Variants in PDE3A observed in about 807,000 individuals in gnomAD.
The protein encoded by PDE3A is cGMP-inhibited 3',5'-cyclic phosphodiesterase 3A.
PDE3A carries 43 observed loss-of-function variants against 98.3 expected under a neutral mutation model. The ratio of observed to expected loss-of-function variants is 0.44; its 90% CI spans 0.34 to 0.56. The LOEUF (loss-of-function observed/expected upper bound fraction) is 0.56. PDE3A is among the 20% of genes least tolerant of loss of function. The probability of loss-of-function intolerance (pLI) is 0.01; values close to 1 mark genes in which losing one functional copy is unlikely to be tolerated. For synonymous variants in PDE3A, 663 were observed against 567.9 expected (o/e 1.17, Z -2.38); for missense variants, 1,427 against 1,440.7 (o/e 0.99, Z 0.15).
intron 10 of PDE3A, among the ~76,000 whole-genome samples, chr12:20,643,524 A>G (rs1017800427): frequency 1.3e-5 from 2 of 152,176 alleles, no homozygotes; most frequent in Non-Finnish European, 2.9e-5. Context: ...ATGGTTTTCT[A>G]TTCTTCAATC....
chr12:20,650,938 G>C (rs1205123813), intron 14 of PDE3A, among the ~76,000 whole-genome samples: 1 of 151,996 alleles, frequency 6.6e-6, no homozygotes, highest in Non-Finnish European at 1.5e-5. Context: ...ATATGGAGTA[G>C]CTTGTATGTA....
intron 12 of PDE3A, among the ~76,000 whole-genome samples, chr12:20,648,097 G>A (rs527468695): frequency 1.3e-3 from 190 of 150,932 alleles, no homozygotes; most frequent in African/African-American, 4.4e-3. Context: ...TTATGTCTCC[G>A]AATACTAGAT....
intron 1 of PDE3A, among the ~76,000 whole-genome samples, chr12:20,480,628 A>G (rs1176511644): frequency 1.3e-5 from 2 of 152,214 alleles, no homozygotes; most frequent in African/African-American, 4.8e-5. Flanking sequence ...GACTGTTTTC[A>G]TCTCATGGAA....
chr12:20,531,940 A>G (rs1941610038), intron 1 of PDE3A, among the ~76,000 whole-genome samples: 1 of 72,706 alleles, frequency 1.4e-5, no homozygotes, highest in Non-Finnish European at 3.3e-5. Flanking sequence ...ACTTTGAAAT[A>G]AAAGTTTTTT....
At chr12:20,612,448 A>G (rs1052261233) in intron 2 of PDE3A, among the ~76,000 whole-genome samples, 8 of 151,172 alleles carry the variant, frequency 5.3e-5, no homozygotes, top group Non-Finnish European at 7.4e-5. Flanking sequence ...ATCTTCATTT[A>G]GTCAGATACA....
chr12:20,570,857 A>G (rs140775842), intron 2 of PDE3A, among the ~76,000 whole-genome samples: 3,273 of 152,248 alleles, frequency 0.021, 59 homozygotes, highest in Middle Eastern at 0.099. Context: ...TGTACAGACT[A>G]GAATTGTCAG....
chr12:20,478,722 C>G (rs1007820475), intron 1 of PDE3A, among the ~76,000 whole-genome samples: 1 of 152,074 alleles, frequency 6.6e-6, no homozygotes, highest in African/African-American at 2.4e-5. Flanking sequence ...ATAATCAGGA[C>G]AAGTGTTAAT....
Position 20,369,449 on chromosome 12 carries a change from C to T in PDE3A, c.165C>T (p.Leu55=), listed in dbSNP as rs1250149766. 6.4e-7 allele frequency: 1 copy of T among 1,555,708 alleles called. No homozygotes were observed. Among genetic ancestry groups the T allele is most frequent in the Non-Finnish European group, 8.7e-7 (1 of 1,150,490 alleles). The change falls in exon 1 of 16, where the codon CTC becomes CTT. Residue 55 remains leucine, a synonymous_variant. Transcript: ENST00000359062. ...GGGGAGACCTGGTGCTGCAGCCGCT[C>T]CGGAGCTCTCGGAAACTTTCCTCCG... is the stretch of plus-strand genomic sequence containing the variant. ...GCWGDLVLQP[L]RSSRKLSSAL...
intron 1 of PDE3A, among the ~76,000 whole-genome samples, chr12:20,446,236 G>A (rs73069176): frequency 5.1e-4 from 77 of 152,190 alleles, no homozygotes; most frequent in Admixed American, 2.3e-3. Context: ...AGCTTAAGTC[G>A]TGAGAAAATG....
chr12:20,558,301 A>G (rs1182214928), intron 2 of PDE3A, among the ~76,000 whole-genome samples: 1 of 152,012 alleles, frequency 6.6e-6, no homozygotes, highest in Non-Finnish European at 1.5e-5. Context: ...GCATATAGCT[A>G]GAAAATGTGA....
At chr12:20,679,441 G>A (rs1333967601) in intron 15 of PDE3A, among the ~76,000 whole-genome samples, 2 of 152,044 alleles carry the variant, frequency 1.3e-5, no homozygotes, top group African/African-American at 4.8e-5. Flanking sequence ...TAGAGACAGG[G>A]TTTCACCGTG....
chr12:20,471,155 G>A (rs1483631951), intron 1 of PDE3A, among the ~76,000 whole-genome samples: 3 of 150,144 alleles, frequency 2.0e-5, no homozygotes, highest in Non-Finnish European at 4.4e-5. Context: ...TTTTACCCTG[G>A]AGATTGATTC....
intron 2 of PDE3A, among the ~76,000 whole-genome samples, chr12:20,560,096 G>A (rs900672972): frequency 1.3e-5 from 2 of 152,044 alleles, no homozygotes; most frequent in African/African-American, 4.8e-5. Flanking sequence ...CTTCAGGGTT[G>A]GCAATATTAA....
chr12:20,541,248 A>C (rs1183473529), intron 1 of PDE3A, among the ~76,000 whole-genome samples: 4 of 151,128 alleles, frequency 2.6e-5, no homozygotes, highest in South Asian at 4.2e-4. Flanking sequence ...CAGGTGCACA[A>C]CACCACACCT....
intron 2 of PDE3A, among the ~76,000 whole-genome samples, chr12:20,590,952 A>C (rs528399131): frequency 4.6e-4 from 70 of 152,308 alleles, no homozygotes; most frequent in African/African-American, 1.7e-3. Flanking sequence ...CTCCCTGTCC[A>C]CTTCGAAAGT....
At chr12:20,490,317 A>G (rs897477774) in intron 1 of PDE3A, among the ~76,000 whole-genome samples, 2 of 152,246 alleles carry the variant, frequency 1.3e-5, no homozygotes, top group Non-Finnish European at 2.9e-5. Flanking sequence ...GGAAAATTAC[A>G]ACAGTGATCC....
chr12:20,425,169 C>T (rs557622366), intron 1 of PDE3A, among the ~76,000 whole-genome samples: 3 of 152,136 alleles, frequency 2.0e-5, no homozygotes, highest in African/African-American at 4.8e-5. Context: ...GGATTGGCCT[C>T]GGTGACCAAT....
At chr12:20,414,583 C>T (rs1378470950) in intron 1 of PDE3A, among the ~76,000 whole-genome samples, 2 of 152,208 alleles carry the variant, frequency 1.3e-5, no homozygotes, top group African/African-American at 2.4e-5. Context: ...TTAAATTTAA[C>T]ACCCTTTGGT....
At chr12:20,633,562 C>T (rs1944430234) in intron 6 of PDE3A, 131 bp from the exon 7 acceptor site, 1 of 511,908 alleles carries the variant, frequency 2.0e-6, no homozygotes, top group African/African-American at 1.9e-5. Context: ...TGCATATTTT[C>T]ACAAAACAAA....
Sources: gnomAD v4.1 joint callset for allele counts (sites outside exome capture counted in the v4.1 genomes callset) on GRCh38, gnomAD v4.1.1 for gene constraint, MANE v1.5 for transcripts, NCBI Gene and HGNC (gene_info 2026-07-23, HGNC 2026-07-21) for gene names.